The following RUNX1 variants were observed in gnomAD, a reference collection of about 807,000 sequenced individuals.
The protein encoded by RUNX1 is RUNX family transcription factor 1.
RUNX1 carries 19 observed loss-of-function variants against 42.8 expected under a neutral mutation model. That is an observed-to-expected ratio of 0.44 (90% CI 0.31 to 0.65). The LOEUF (loss-of-function observed/expected upper bound fraction) is 0.65, where lower values mean the gene tolerates loss of function less well. Among genes scored for constraint, RUNX1 ranks in the 30% least tolerant of loss-of-function variants. The pLI is 0.07. For synonymous variants in RUNX1, 271 were observed against 289.4 expected (o/e 0.94, Z 0.64); for missense variants, 528 against 672.0 (o/e 0.79, Z 2.37).
chr21:34,936,527 AT>A (rs1280298880), intron 2 of RUNX1, among the ~76,000 whole-genome samples: 2 of 152,200 alleles, frequency 1.3e-5, no homozygotes, highest in African/African-American at 4.8e-5. Context: ...CATAGAAGGC[AT>A]TTGTGATAAA....
At chr21:34,845,154 C>G (rs2057298168) in intron 6 of RUNX1, among the ~76,000 whole-genome samples, 1 of 152,208 alleles carries the variant, frequency 6.6e-6, no homozygotes, top group Non-Finnish European at 1.5e-5. Context: ...TGCCTAGACT[C>G]CCACAGAGCA....
chr21:35,011,118 T>C (rs1216306275), intron 2 of RUNX1, among the ~76,000 whole-genome samples: 1 of 152,122 alleles, frequency 6.6e-6, no homozygotes, highest in Non-Finnish European at 1.5e-5. Flanking sequence ...GTTTTTGCCA[T>C]TAAAAGTGAT....
intron 5 of RUNX1, among the ~76,000 whole-genome samples, chr21:34,877,958 A>G (rs2057838492): frequency 6.6e-6 from 1 of 152,210 alleles, no homozygotes; most frequent in Non-Finnish European, 1.5e-5. Context: ...ATGAGCCAAG[A>G]GCCAGGGCCT....
In RUNX1 at chr21:34,804,105, T is replaced by C. The variant is rs150752408; in HGVS notation, c.806-4643A>G. Among the ~76,000 whole-genome samples the C allele has an allele frequency of 7.2e-3, 1,095 of 152,330 alleles. 10 individuals carry two copies. The highest frequency in any genetic ancestry group is 0.018 in the African/African-American group (752 of 41,562). On this transcript the variant is annotated intron_variant, in intron 7 of 8. Transcript: ENST00000675419. Reference sequence around the variant, plus strand: ...AGAAGCAGGCAAATATAGAGAATCATAGTGAGGTCTGCTTGCTGGGAGCAG... The same window carrying C: ...AGAAGCAGGCAAATATAGAGAATCACAGTGAGGTCTGCTTGCTGGGAGCAG...
In RUNX1 at chr21:34,823,394, G is replaced by A. The variant is rs773469470; in HGVS notation, c.805+11016C>T. 4.9e-4 allele frequency among the ~76,000 whole-genome samples: 73 copies of A among 148,194 alleles called. 1 individual carries two copies. Among genetic ancestry groups the A allele is most frequent in the Admixed American group, 1.9e-3 (28 of 14,880 alleles). On this transcript the variant is annotated intron_variant, in intron 7 of 8. Coordinates refer to ENST00000675419, the MANE Select transcript of RUNX1 (RefSeq NM_001754.5). ...TCAGATTGTGTGGAAGAACCAAGAC[G>A]GTAGAGGAATTAAGCACCATTTCCA...
chr21:34,873,659 G>A (rs938486817), intron 5 of RUNX1, among the ~76,000 whole-genome samples: 5 of 152,176 alleles, frequency 3.3e-5, no homozygotes, highest in African/African-American at 1.2e-4. Flanking sequence ...ACCTTCATTG[G>A]AGAACGTTCG....
intron 6 of RUNX1, among the ~76,000 whole-genome samples, chr21:34,835,165 C>T (rs2057126949): frequency 6.6e-6 from 1 of 152,118 alleles, no homozygotes; most frequent in Non-Finnish European, 1.5e-5. Context: ...TTTCCAGGTA[C>T]ACGCAGGGCA....
chr21:34,814,316 G>T (rs1424367319), intron 7 of RUNX1, among the ~76,000 whole-genome samples: 1 of 152,130 alleles, frequency 6.6e-6, no homozygotes, highest in African/African-American at 2.4e-5. Flanking sequence ...GTGTTTTGAG[G>T]TGGTCGTGGG....
At chr21:34,948,599 T>C (rs952068496) in intron 2 of RUNX1, among the ~76,000 whole-genome samples, 1 of 152,156 alleles carries the variant, frequency 6.6e-6, no homozygotes, top group Non-Finnish European at 1.5e-5. Context: ...GTGGATGTGA[T>C]GGTCTACCCT....
chr21:35,039,784 A>C (rs2059344217), intron 2 of RUNX1, among the ~76,000 whole-genome samples: 2 of 152,200 alleles, frequency 1.3e-5, no homozygotes, highest in Non-Finnish European at 2.9e-5. Context: ...ATGACCCTGC[A>C]CCTTTCACAG....
intron 2 of RUNX1, among the ~76,000 whole-genome samples, chr21:35,039,144 C>T (rs1271580520): frequency 1.3e-5 from 2 of 152,176 alleles, no homozygotes; most frequent in African/African-American, 4.8e-5. Flanking sequence ...GGGATTTAAC[C>T]TGCAAAGGAT....
intron 3 of RUNX1, among the ~76,000 whole-genome samples, chr21:34,890,585 A>G (rs1033883364): frequency 6.6e-6 from 1 of 151,948 alleles, no homozygotes; most frequent in East Asian, 1.9e-4. Context: ...CGCGGCCTCA[A>G]CCCTCTCCGC....
At chr21:35,046,907 G>A (rs944320276) in intron 2 of RUNX1, among the ~76,000 whole-genome samples, 3 of 152,056 alleles carry the variant, frequency 2.0e-5, no homozygotes, top group South Asian at 2.1e-4. Context: ...CACTGCCTCC[G>A]TGAAAGCTAA....
chr21:34,915,690 A>AGAGGAATAAGTGT (rs2058307166), intron 2 of RUNX1, among the ~76,000 whole-genome samples: 1 of 152,246 alleles, frequency 6.6e-6, no homozygotes, highest in South Asian at 2.1e-4. Flanking sequence ...TTGTCAGACC[A>AGAGGAATAAGTGT]GAGGAATAAG....
intron 7 of RUNX1, among the ~76,000 whole-genome samples, chr21:34,820,844 T>C (rs2056897921): frequency 6.6e-6 from 1 of 152,142 alleles, no homozygotes; most frequent in Admixed American, 6.6e-5. Flanking sequence ...GAGACTGTTC[T>C]GAGGCTACCT....
In RUNX1 at chr21:35,048,827, C is replaced by T. The variant is rs1277109253; in HGVS notation, c.58+15G>A. ...CTGAGCAAAAGTAGATATTACAAGA[C>T]CAGCATGTACTCACCTCTCATGAAG... is the stretch of plus-strand genomic sequence containing the variant. On this transcript the variant is annotated intron_variant, in intron 2 of 8. Transcript: ENST00000675419. 5.0e-6 allele frequency: 8 copies of T among 1,607,908 alleles called. No individual in the cohort carries two copies. Among genetic ancestry groups the T allele is most frequent in the Non-Finnish European group, 5.1e-6 (6 of 1,174,376 alleles).
intron 2 of RUNX1, among the ~76,000 whole-genome samples, chr21:34,949,901 T>A (rs569513745): frequency 5.9e-5 from 9 of 152,332 alleles, no homozygotes; most frequent in African/African-American, 9.6e-5. Flanking sequence ...CCATGTGATG[T>A]CCCTCCGAAC....
intron 2 of RUNX1, among the ~76,000 whole-genome samples, chr21:34,971,937 A>G (rs79056418): frequency 0.032 from 4,800 of 152,306 alleles, 261 homozygotes; most frequent in African/African-American, 0.11. Flanking sequence ...GAATGATCTC[A>G]GGCATGATTT....
chr21:34,908,763 T>C (rs1465978218), intron 2 of RUNX1, among the ~76,000 whole-genome samples: 3 of 152,190 alleles, frequency 2.0e-5, no homozygotes, highest in African/African-American at 7.2e-5. Flanking sequence ...TCAGACACAT[T>C]TTATCATCCT....
Sources: gnomAD v4.1 joint callset for allele counts (sites outside exome capture counted in the v4.1 genomes callset) on GRCh38, gnomAD v4.1.1 for gene constraint, MANE v1.5 for transcripts, NCBI Gene and HGNC (gene_info 2026-07-23, HGNC 2026-07-21) for gene names.